Variants in SRBD1 observed in about 807,000 individuals in gnomAD.
The protein encoded by SRBD1 is S1 RNA binding domain 1.
A neutral mutation model predicts 115.3 loss-of-function variants in SRBD1; 88 were observed. The observed-to-expected ratio is 0.76, with a 90% CI of 0.64 to 0.91. SRBD1 has a LOEUF of 0.91. Among genes scored for constraint, SRBD1 ranks in the 40% least tolerant of loss-of-function variants. The probability of loss-of-function intolerance (pLI) is 0.00; values close to 1 mark genes in which losing one functional copy is unlikely to be tolerated. For missense variants in SRBD1, 1,385 were observed against 1,177.4 expected (o/e 1.18, Z -2.58); for synonymous variants, 509 against 407.7 (o/e 1.25, Z -2.99).
chr2:45,597,328 G>C (rs1345369196), intron 4 of SRBD1, among the ~76,000 whole-genome samples: 1 of 151,864 alleles, frequency 6.6e-6, no homozygotes, highest in Non-Finnish European at 1.5e-5. Context: ...GCTGAGGCAG[G>C]AGAATCGCTT....
At chr2:45,586,269 A>AT (rs555467895) in intron 4 of SRBD1, among the ~76,000 whole-genome samples, 202 of 151,810 alleles carry the variant, frequency 1.3e-3, no homozygotes, top group African/African-American at 4.4e-3. Flanking sequence ...ATTTATAATA[A>AT]TTTTTTTTTG....
At chr2:45,437,938 T>C (rs967325402) in intron 16 of SRBD1, among the ~76,000 whole-genome samples, 6 of 152,226 alleles carry the variant, frequency 3.9e-5, no homozygotes, top group Non-Finnish European at 8.8e-5. Flanking sequence ...GTCTTTATGA[T>C]ACTATAAATA....
Position 45,562,775 on chromosome 2 carries a change from CAA to C in SRBD1, c.1306-21_1306-20del. 6.5e-7 allele frequency: 1 copy of C among 1,548,300 alleles called. No homozygotes were observed. Among genetic ancestry groups the C allele is most frequent in the Non-Finnish European group, 8.8e-7 (1 of 1,134,024 alleles). On this transcript the variant is annotated intron_variant, in intron 9 of 20. Coordinates refer to ENST00000263736, the MANE Select transcript of SRBD1 (RefSeq NM_018079.5). The stretch of plus-strand genomic sequence containing the variant: ...CCAGAATCTGAGTGCAAACATAAGG[CAA>C]AGACTAATAATCCACAAAATATATG...
At chr2:45,471,170 A>T (rs910036174) in intron 16 of SRBD1, among the ~76,000 whole-genome samples, 1 of 152,096 alleles carries the variant, frequency 6.6e-6, no homozygotes, top group African/African-American at 2.4e-5. Context: ...TTTACAACAA[A>T]TTTTTCCTAA....
chr2:45,510,952 A>G (rs1052554761), intron 14 of SRBD1, among the ~76,000 whole-genome samples: 2 of 152,236 alleles, frequency 1.3e-5, no homozygotes, highest in Non-Finnish European at 2.9e-5. Context: ...GAGAAGCACA[A>G]GTGTTTTCAT....
intron 19 of SRBD1, among the ~76,000 whole-genome samples, chr2:45,410,442 G>A (rs2103851770): frequency 6.6e-6 from 1 of 152,194 alleles, no homozygotes; most frequent in East Asian, 1.9e-4. Flanking sequence ...AATATTCACA[G>A]CAGTTTTACT....
intron 14 of SRBD1, among the ~76,000 whole-genome samples, chr2:45,518,072 CT>C (rs34060872): frequency 2.0e-5 from 3 of 151,970 alleles, no homozygotes; most frequent in Admixed American, 2.0e-4. Context: ...AATAGGCAGG[CT>C]TTTTTTCCCC....
At chr2:45,495,999 A>C (rs980808496) in intron 14 of SRBD1, among the ~76,000 whole-genome samples, 4 of 152,150 alleles carry the variant, frequency 2.6e-5, no homozygotes, top group African/African-American at 9.7e-5. Flanking sequence ...TGTCTTTTGT[A>C]CTCAAATTTG....
intron 14 of SRBD1, among the ~76,000 whole-genome samples, chr2:45,505,299 G>A (rs1278926793): frequency 1.3e-5 from 2 of 152,200 alleles, no homozygotes; most frequent in African/African-American, 2.4e-5. Flanking sequence ...AGCAGCAGCA[G>A]CATGTGGTCA....
chr2:45,420,559 T>G (rs1451057145), intron 16 of SRBD1, among the ~76,000 whole-genome samples: 1 of 152,224 alleles, frequency 6.6e-6, no homozygotes, highest in African/African-American at 2.4e-5. Flanking sequence ...TCTTTAGACT[T>G]ATTTAGAAAC....
intron 14 of SRBD1, among the ~76,000 whole-genome samples, chr2:45,488,642 T>G (rs1670195867): frequency 6.6e-6 from 1 of 152,226 alleles, no homozygotes; most frequent in African/African-American, 2.4e-5. Context: ...TCTCCCATGA[T>G]GCCAACTTCA....
intron 14 of SRBD1, among the ~76,000 whole-genome samples, chr2:45,506,718 A>C (rs1470918647): frequency 1.3e-5 from 2 of 152,204 alleles, no homozygotes; most frequent in Non-Finnish European, 2.9e-5. Context: ...GAAAAGGATA[A>C]AAACACCAAT....
rs780119573 is a variant in SRBD1 at position 45,414,872 on chromosome 2, A to ACACAC, written c.2334-1580_2334-1579insGTGTG. Among the ~76,000 whole-genome samples, 4 of 46,362 alleles carry ACACAC rather than the reference A, an allele frequency of 8.6e-5. 1 individual carries two copies. The South Asian group carries it at 2.5e-3, about 28-fold the overall frequency. 30.4% of individuals were successfully genotyped at this position (46,362 alleles called of 152,430 possible). Reference sequence around the variant, plus strand: ...TAGTGTGTATATAGTATGTACACACAATATAGTGTGTATATAGTATGTACA... The same window carrying ACACAC: ...TAGTGTGTATATAGTATGTACACACACACACATATAGTGTGTATATAGTATGTACA... On this transcript the variant is annotated intron_variant, in intron 18 of 20. Transcript: ENST00000263736.
chr2:45,478,475 G>A (rs375711454), intron 15 of SRBD1, among the ~76,000 whole-genome samples: 13 of 152,110 alleles, frequency 8.5e-5, no homozygotes, highest in African/African-American at 1.9e-4. Context: ...CTTAGAGAAC[G>A]CTGAGCTGGC....
At chr2:45,535,350 G>A (rs1185212365) in intron 14 of SRBD1, among the ~76,000 whole-genome samples, 1 of 151,966 alleles carries the variant, frequency 6.6e-6, no homozygotes, top group African/African-American at 2.4e-5. Context: ...AGACCAAAAT[G>A]TTTTATTTGT....
chr2:45,567,004 G>C (rs1243985645), intron 9 of SRBD1, among the ~76,000 whole-genome samples: 1 of 152,054 alleles, frequency 6.6e-6, no homozygotes, highest in African/African-American at 2.4e-5. Flanking sequence ...ATTTCCATGA[G>C]GATCTCTAAC....
intron 14 of SRBD1, among the ~76,000 whole-genome samples, chr2:45,509,643 A>G (rs1670906847): frequency 2.0e-5 from 3 of 150,638 alleles, no homozygotes; most frequent in Admixed American, 6.6e-5. Context: ...ACACACACAC[A>G]CACGCAAAGA....
chr2:45,606,839 C>A (rs1200332228), intron 1 of SRBD1, among the ~76,000 whole-genome samples: 2 of 152,182 alleles, frequency 1.3e-5, no homozygotes, highest in African/African-American at 4.8e-5. Flanking sequence ...ACACTAGGCT[C>A]TGACATGTTT....
intron 14 of SRBD1, among the ~76,000 whole-genome samples, chr2:45,503,414 A>G (rs570133330): frequency 2.0e-5 from 3 of 152,324 alleles, no homozygotes; most frequent in South Asian, 4.1e-4. Context: ...TATGAAAAAT[A>G]TAAGAAACAT....
Sources: allele counts gnomAD v4.1 joint callset (sites outside exome capture counted in the v4.1 genomes callset), GRCh38; gene constraint gnomAD v4.1.1; transcripts MANE v1.5; gene names NCBI Gene and HGNC (gene_info 2026-07-23, HGNC 2026-07-21).